NCAM2: variants seen among roughly 807,000 people sequenced by gnomAD.
NCAM2 encodes the protein N-CAM-2.
Under a neutral mutation model 98.1 loss-of-function variants are expected in NCAM2, and 30 were observed. The ratio of observed to expected loss-of-function variants is 0.31; its 90% CI spans 0.23 to 0.41. NCAM2 has a LOEUF of 0.41. NCAM2 is among the 10% of genes least tolerant of loss of function. The pLI is 1.00. For missense variants in NCAM2, 867 were observed against 1,005.8 expected (o/e 0.86, Z 1.87); for synonymous variants, 368 against 342.4 (o/e 1.07, Z -0.83).
At chr21:21,377,122 T>C (rs960044979) in intron 9 of NCAM2, among the ~76,000 whole-genome samples, 3 of 151,802 alleles carry the variant, frequency 2.0e-5, no homozygotes, top group Non-Finnish European at 4.4e-5. Flanking sequence ...ACATTCAAAT[T>C]TATTCTACTT....
chr21:21,499,492 C>CA (rs1987481608), intron 15 of NCAM2, among the ~76,000 whole-genome samples: 1 of 152,144 alleles, frequency 6.6e-6, no homozygotes, highest in South Asian at 2.1e-4. Flanking sequence ...CTGCCCTCCT[C>CA]AGCCTCCCAA....
At chr21:21,036,738 G>A (rs2064806686) in intron 1 of NCAM2, among the ~76,000 whole-genome samples, 1 of 152,120 alleles carries the variant, frequency 6.6e-6, no homozygotes, top group Admixed American at 6.5e-5. Flanking sequence ...ATAGGACAGA[G>A]AAGGAAGCAA....
chr21:21,500,955 A>T (rs963573336), intron 15 of NCAM2, among the ~76,000 whole-genome samples: 1 of 152,058 alleles, frequency 6.6e-6, no homozygotes, highest in Non-Finnish European at 1.5e-5. Context: ...GTTTATTCTC[A>T]ATATCCCCAC....
rs538110084 is a variant in NCAM2 at position 21,402,704 on chromosome 21, G to A, written c.1196-7570G>A. Among the ~76,000 whole-genome samples the A allele has an allele frequency of 5.9e-5, 9 of 152,122 alleles. No homozygotes were observed. The South Asian group carries it at 1.0e-3, about 18-fold the overall frequency. ...CTCAGGTGGGCATCATGGACCTACC[G>A]ATATGAGATGTCACCCCTAGTGGCC... On this transcript the variant is annotated intron_variant, in intron 9 of 17. Transcript: ENST00000400546.
chr21:21,268,910 A>G (rs1331557885), intron 1 of NCAM2, among the ~76,000 whole-genome samples: 4 of 152,114 alleles, frequency 2.6e-5, no homozygotes, highest in African/African-American at 9.7e-5. Flanking sequence ...CTTAAATCTA[A>G]CTAATCTAAC....
intron 1 of NCAM2, among the ~76,000 whole-genome samples, chr21:21,235,103 C>G (rs191372947): frequency 9.9e-5 from 15 of 151,784 alleles, no homozygotes; most frequent in Non-Finnish European, 2.9e-5. Context: ...CACCTTTTTT[C>G]TTAGGTAATC....
chr21:21,043,583 G>T (rs1197574639), intron 1 of NCAM2, among the ~76,000 whole-genome samples: 1 of 151,910 alleles, frequency 6.6e-6, no homozygotes. Context: ...GTTAGATGAT[G>T]TTATCAAATT....
At position 21,461,163 on chromosome 21, in the gene NCAM2, G is replaced by A. The variant is rs369537465; in HGVS notation, c.1655-5443G>A. Among the ~76,000 whole-genome samples the A allele has an allele frequency of 1.0e-3, 154 of 151,770 alleles. 3 individuals carry two copies. In the South Asian group the frequency reaches 0.027, roughly 27 times the overall value. On this transcript the variant is annotated intron_variant, in intron 12 of 17. Coordinates refer to ENST00000400546, the MANE Select transcript of NCAM2 (RefSeq NM_004540.5). ...CGTACTCAGTGGACCTTGAAAAAAC[G>A]TCAGTTGAATTTTTCTTGCATAAAT... is the stretch of plus-strand genomic sequence containing the variant.
chr21:21,344,864 G>GC (rs1568958721), intron 8 of NCAM2, among the ~76,000 whole-genome samples: 1 of 152,156 alleles, frequency 6.6e-6, no homozygotes, highest in South Asian at 2.1e-4. Flanking sequence ...AAACAGCACA[G>GC]CCATACTGCT....
At chr21:21,333,234 A>C (rs1441602112) in intron 6 of NCAM2, among the ~76,000 whole-genome samples, 1 of 152,150 alleles carries the variant, frequency 6.6e-6, no homozygotes, top group Admixed American at 6.6e-5. Context: ...ATGATGGCTT[A>C]ATTATATTTC....
intron 1 of NCAM2, among the ~76,000 whole-genome samples, chr21:21,087,276 T>G (rs538992538): frequency 6.6e-6 from 1 of 152,270 alleles, no homozygotes; most frequent in African/African-American, 2.4e-5. Flanking sequence ...ACTATGCACT[T>G]GCTTCACGAA....
chr21:21,318,582 A>T (rs2074286291), intron 5 of NCAM2, among the ~76,000 whole-genome samples: 1 of 152,226 alleles, frequency 6.6e-6, no homozygotes, highest in African/African-American at 2.4e-5. Context: ...TTATAAAAAT[A>T]ATCCAATGTT....
chr21:21,126,632 T>G (rs560164978), intron 1 of NCAM2, among the ~76,000 whole-genome samples: 1 of 152,156 alleles, frequency 6.6e-6, no homozygotes, highest in East Asian at 1.9e-4. Flanking sequence ...GAAGCACACT[T>G]AATAAAATCT....
chr21:21,065,558 T>G (rs76367596), intron 1 of NCAM2, among the ~76,000 whole-genome samples: 88 of 152,280 alleles, frequency 5.8e-4, no homozygotes, highest in African/African-American at 1.9e-3. Flanking sequence ...TTACGTTGTG[T>G]TTTTAATCAT....
At chr21:21,451,954 CTTT>C (rs1981140846) in intron 12 of NCAM2, among the ~76,000 whole-genome samples, 1 of 152,058 alleles carries the variant, frequency 6.6e-6, no homozygotes, top group Non-Finnish European at 1.5e-5. Context: ...ATACTACATT[CTTT>C]ATCTTCAACT....
chr21:21,034,258 C>A (rs2064753846), intron 1 of NCAM2, among the ~76,000 whole-genome samples: 1 of 152,064 alleles, frequency 6.6e-6, no homozygotes, highest in Admixed American at 6.6e-5. Context: ...TAAGCATACA[C>A]CATATTTCAC....
In NCAM2 at chr21:21,525,864, T is replaced by G. The variant is rs75629005; in HGVS notation, c.2283-8673T>G. Among the ~76,000 whole-genome samples, 277 of 152,190 alleles carry G rather than the reference T, an allele frequency of 1.8e-3. 3 individuals are homozygous for G. The highest frequency in any genetic ancestry group is 6.3e-3 in the African/African-American group (263 of 41,568). Reference sequence around the variant, plus strand: ...GTCTGGTTCAACGTTAAAAAATCAATGTAAATCCAACACTTCAAGATAATA... The same window carrying G: ...GTCTGGTTCAACGTTAAAAAATCAAGGTAAATCCAACACTTCAAGATAATA... On this transcript the variant is annotated intron_variant, in intron 16 of 17. Coordinates refer to ENST00000400546, the MANE Select transcript of NCAM2 (RefSeq NM_004540.5).
At chr21:21,226,641 G>A (rs1601701143) in intron 1 of NCAM2, 1 of 152,112 alleles carries the variant, frequency 6.6e-6, no homozygotes, top group South Asian at 2.1e-4. Flanking sequence ...GATCATAGTC[G>A]ACTTGCCTTG....
At chr21:21,476,688 T>C (rs183525772) in intron 14 of NCAM2, among the ~76,000 whole-genome samples, 1 of 152,144 alleles carries the variant, frequency 6.6e-6, no homozygotes. Flanking sequence ...GTGTAGAATG[T>C]TTGAGAATAG....
Sources: gnomAD v4.1 joint callset for allele counts (sites outside exome capture counted in the v4.1 genomes callset) on GRCh38, gnomAD v4.1.1 for gene constraint, MANE v1.5 for transcripts, NCBI Gene and HGNC (gene_info 2026-07-23, HGNC 2026-07-21) for gene names.